DNAJC27: variants seen among roughly 807,000 people sequenced by gnomAD.
The protein encoded by DNAJC27 is dnaJ homolog subfamily C member 27.
In DNAJC27, 25 loss-of-function variants were observed where a neutral mutation model predicts 31.4. That is an observed-to-expected ratio of 0.80 (90% confidence interval 0.58 to 1.11). The LOEUF (loss-of-function observed/expected upper bound fraction) is 1.11, where lower values mean the gene tolerates loss of function less well. Among genes scored for constraint, DNAJC27 ranks in the 50% most tolerant of loss-of-function variants. The probability of loss-of-function intolerance (pLI) is 0.00; values close to 1 mark genes in which losing one functional copy is unlikely to be tolerated. For synonymous variants in DNAJC27, 106 were observed against 112.7 expected, an observed-to-expected ratio of 0.94 and a Z score of 0.37; for missense variants, 356 against 347.3, an observed-to-expected ratio of 1.02 and a Z score of -0.20.
intron 3 of DNAJC27, chr2:24,958,636 G>C (rs1665968014): frequency 3.1e-6 from 1 of 317,532 alleles, no homozygotes; most frequent in South Asian, 2.7e-5. Context: ...TACTTCACAG[G>C]GTTATTATGA....
chr2:24,964,982 C>A (rs1020374260), intron 2 of DNAJC27, among the ~76,000 whole-genome samples: 1 of 151,896 alleles, frequency 6.6e-6, no homozygotes, highest in Admixed American at 6.6e-5. Flanking sequence ...CCGAGGTGGA[C>A]GGATCACGAG....
intron 3 of DNAJC27, among the ~76,000 whole-genome samples, chr2:24,962,890 GC>G (rs528318081): frequency 4.2e-4 from 64 of 152,206 alleles, no homozygotes; most frequent in South Asian, 3.5e-3. Context: ...AAATGAAAAA[GC>G]CCAAGGAAGG....
chr2:24,967,633 G>A (rs1290887390), intron 1 of DNAJC27, among the ~76,000 whole-genome samples: 3 of 151,900 alleles, frequency 2.0e-5, no homozygotes, highest in African/African-American at 4.8e-5. Flanking sequence ...CCGGGAGGCG[G>A]AGGTTGCAGT....
At chr2:24,947,811 TG>T in intron 6 of DNAJC27, 63 bp from the exon 7 acceptor site, 1 of 1,555,556 alleles carries the variant, frequency 6.4e-7, no homozygotes, top group Non-Finnish European at 8.8e-7. Flanking sequence ...GCATGTTAGC[TG>T]TTTGGACACA....
At chr2:24,971,168 C>T (rs1390968762) in intron 1 of DNAJC27, among the ~76,000 whole-genome samples, 1 of 152,146 alleles carries the variant, frequency 6.6e-6, no homozygotes, top group Non-Finnish European at 1.5e-5. Flanking sequence ...GCCTTCCCTC[C>T]CCACGTACTA....
chr2:24,967,158 G>C (rs1461482999), intron 2 of DNAJC27, 53 bp downstream of exon 2: 14 of 1,398,036 alleles, frequency 1.0e-5, no homozygotes, highest in Admixed American at 8.7e-5. Context: ...GATCATTTTG[G>C]AAAGTTCTGA....
At position 24,957,086 on chromosome 2, in the gene DNAJC27, T is replaced by C; in HGVS notation, c.485A>G (p.Glu162Gly). The change falls in exon 5 of 7, where the codon GAA becomes GGA. Residue 162 changes from glutamate to glycine, a missense_variant. Transcript: ENST00000264711. ...GCCTTCTCCAGTTTGTGCTGAAGTT[T>C]CAAAGTACAGGAACCCTTTGCTTTC... Reference protein sequence around the residue: ...WAESKGFLYFETSAQTGEGIN... With the variant: ...WAESKGFLYFGTSAQTGEGIN... 1 of 1,610,426 alleles carries C rather than the reference T, an allele frequency of 6.2e-7. No homozygotes were observed. The highest frequency in any genetic ancestry group is 8.5e-7 in the Non-Finnish European group (1 of 1,178,810).
intron 3 of DNAJC27, among the ~76,000 whole-genome samples, chr2:24,961,145 T>A (rs1666029959): frequency 6.6e-6 from 1 of 152,180 alleles, no homozygotes; most frequent in Admixed American, 6.5e-5. Context: ...TCATTTGCCA[T>A]AATGAAAATC....
chr2:24,958,586 G>A (rs542018151), intron 3 of DNAJC27: 26 of 418,036 alleles, frequency 6.2e-5, no homozygotes, highest in East Asian at 3.0e-4. Flanking sequence ...ACCTCTCTGC[G>A]TCTCAGTTTC....
chr2:24,958,611 G>A, intron 3 of DNAJC27: 1 of 405,174 alleles, frequency 2.5e-6, no homozygotes, highest in South Asian at 1.9e-5. Context: ...TCTGTAAAAT[G>A]GGGATAATAC....
At chr2:24,950,128 G>C (rs1332454086) in intron 6 of DNAJC27, among the ~76,000 whole-genome samples, 1 of 151,208 alleles carries the variant, frequency 6.6e-6, no homozygotes, top group Admixed American at 6.6e-5. Context: ...TAAACTCTGT[G>C]CCCTACACGA....
intron 1 of DNAJC27, among the ~76,000 whole-genome samples, chr2:24,967,759 G>A (rs1666226390): frequency 6.6e-6 from 1 of 150,594 alleles, no homozygotes; most frequent in South Asian, 2.1e-4. Flanking sequence ...AAGATTTTAA[G>A]AAAAATTATT....
At chr2:24,952,034 A>G (rs1056766467) in intron 5 of DNAJC27, among the ~76,000 whole-genome samples, 3 of 152,150 alleles carry the variant, frequency 2.0e-5, no homozygotes, top group African/African-American at 7.2e-5. Context: ...AGGATGCTTG[A>G]GCCCAGGAAG....
intron 6 of DNAJC27, among the ~76,000 whole-genome samples, chr2:24,950,464 T>A (rs146797975): frequency 7.7e-4 from 118 of 152,298 alleles, no homozygotes; most frequent in Middle Eastern, 3.4e-3. Flanking sequence ...CCATAATGAA[T>A]AATAATTTAA....
At chr2:24,959,019 G>C (rs1665978202) in intron 3 of DNAJC27, among the ~76,000 whole-genome samples, 1 of 152,188 alleles carries the variant, frequency 6.6e-6, no homozygotes, top group Non-Finnish European at 1.5e-5. Context: ...AGGATATTAA[G>C]TGCTCCTATT....
intron 1 of DNAJC27, 147 bp from the exon 2 acceptor site, chr2:24,967,440 C>G: frequency 3.1e-6 from 2 of 636,792 alleles, no homozygotes; most frequent in Non-Finnish European, 5.4e-6. Context: ...GTGGCTCACG[C>G]CTGTCATCTC....
At chr2:24,971,794 C>T in intron 1 of DNAJC27, 24 bp downstream of exon 1, 6 of 1,586,890 alleles carry the variant, frequency 3.8e-6, no homozygotes, top group Non-Finnish European at 5.1e-6. Flanking sequence ...CTGGGGCCCG[C>T]CCCTCCCGGC....
chr2:24,957,686 G>T, intron 4 of DNAJC27, 124 bp downstream of exon 4: 2 of 924,384 alleles, frequency 2.2e-6, no homozygotes, highest in Non-Finnish European at 3.3e-6. Flanking sequence ...GGGACATTAT[G>T]TTTTGAAAGG....
chr2:24,970,322 C>G (rs1666296606), intron 1 of DNAJC27, among the ~76,000 whole-genome samples: 1 of 152,100 alleles, frequency 6.6e-6, no homozygotes, highest in Non-Finnish European at 1.5e-5. Flanking sequence ...TTTACCTTCT[C>G]TTTTCTAATA....
Sources: allele counts gnomAD v4.1 joint callset (sites outside exome capture counted in the v4.1 genomes callset), GRCh38; gene constraint gnomAD v4.1.1; transcripts MANE v1.5; gene names NCBI Gene and HGNC (gene_info 2026-07-23, HGNC 2026-07-21).